Variants in KPNA1 observed in about 807,000 individuals in gnomAD.
The protein encoded by KPNA1 is karyopherin subunit alpha 1.
A neutral mutation model predicts 70.5 loss-of-function variants in KPNA1; 10 were observed. The observed-to-expected ratio is 0.14, with a 90% CI of 0.09 to 0.24. KPNA1 has a LOEUF of 0.24. Among genes scored for constraint, KPNA1 ranks in the 10% least tolerant of loss-of-function variants. KPNA1 has a pLI of 1.00. For missense variants in KPNA1, 397 were observed against 637.9 expected (o/e 0.62, Z 4.07); for synonymous variants, 192 against 221.9 (o/e 0.87, Z 1.20).
chr3:122,431,986 T>G (rs2075916689), intron 12 of KPNA1, among the ~76,000 whole-genome samples: 1 of 152,116 alleles, frequency 6.6e-6, no homozygotes, highest in African/African-American at 2.4e-5. Context: ...GTACTTTTAG[T>G]AGACACGGGG....
intron 10 of KPNA1, 31 bp from the exon 11 acceptor site, chr3:122,437,326 T>C (rs368905246): frequency 7.2e-6 from 11 of 1,535,870 alleles, no homozygotes; most frequent in South Asian, 1.2e-5. Context: ...ATTTTACTTA[T>C]TGTATTGTTC....
intron 2 of KPNA1, among the ~76,000 whole-genome samples, chr3:122,490,220 A>G (rs1239219529): frequency 6.6e-6 from 1 of 152,186 alleles, no homozygotes; most frequent in Non-Finnish European, 1.5e-5. Flanking sequence ...ACGAAACTCT[A>G]TTTGCCTGGT....
chr3:122,472,944 G>C (rs2076458804), intron 2 of KPNA1, among the ~76,000 whole-genome samples: 2 of 151,968 alleles, frequency 1.3e-5, no homozygotes, highest in Admixed American at 1.3e-4. Context: ...AGCCAGGTGT[G>C]GTGGCGGGCG....
chr3:122,483,190 T>G (rs1002413555), intron 2 of KPNA1: 1 of 152,608 alleles, frequency 6.6e-6, no homozygotes, highest in East Asian at 1.9e-4. Flanking sequence ...AACTAAAGAT[T>G]TACCTACCTA....
intron 1 of KPNA1, among the ~76,000 whole-genome samples, chr3:122,509,469 A>T (rs185168811): frequency 7.8e-4 from 119 of 152,310 alleles, no homozygotes; most frequent in African/African-American, 2.7e-3. Flanking sequence ...CAACTCAGGG[A>T]TCAATTCCTA....
rs1156588625 is a variant in KPNA1 at position 122,460,103 on chromosome 3, T to C, written c.432+1121A>G. On this transcript the variant is annotated intron_variant, in intron 5 of 13. Coordinates refer to ENST00000344337, the MANE Select transcript of KPNA1 (RefSeq NM_002264.4). ...TGTGATCAACTTGGTACCTAACCAATTTTTATAGCTGCATAGTCTCAGGGC... is the reference window on the plus strand; with the variant it reads ...TGTGATCAACTTGGTACCTAACCAACTTTTATAGCTGCATAGTCTCAGGGC... 3.0e-6 allele frequency: 3 copies of C among 985,276 alleles called. No homozygotes were observed. In the African/African-American group the frequency reaches 5.2e-5, roughly 17 times the overall value. The allele number at this position is 985,276 out of a possible 1,614,324, so 61.0% of individuals were successfully genotyped here.
At chr3:122,504,465 G>C (rs1359613803) in intron 1 of KPNA1, among the ~76,000 whole-genome samples, 2 of 152,076 alleles carry the variant, frequency 1.3e-5, no homozygotes, top group Admixed American at 6.5e-5. Context: ...GAATCGTAAG[G>C]GGACATAAAC....
intron 12 of KPNA1, among the ~76,000 whole-genome samples, chr3:122,429,446 C>CAAAAAAAAAAAAAAA (rs57991855): frequency 1.7e-5 from 1 of 58,782 alleles, no homozygotes; most frequent in Non-Finnish European, 3.1e-5. Context: ...AACTCTGTCT[C>CAAAAAAAAAAAAAAA]AAAAAAAAAA....
At chr3:122,484,171 T>G (rs578158045) in intron 2 of KPNA1, among the ~76,000 whole-genome samples, 9 of 152,328 alleles carry the variant, frequency 5.9e-5, no homozygotes, top group Admixed American at 3.3e-4. Flanking sequence ...TGCAGTAACT[T>G]AACATTTTAA....
intron 1 of KPNA1, among the ~76,000 whole-genome samples, chr3:122,513,854 C>G (rs1048111574): frequency 1.3e-5 from 2 of 152,182 alleles, no homozygotes; most frequent in Non-Finnish European, 1.5e-5. Flanking sequence ...AGTTTGAGCT[C>G]AGGAGTTGGA....
At chr3:122,500,552 C>A (rs1419382571) in intron 1 of KPNA1, among the ~76,000 whole-genome samples, 2 of 151,876 alleles carry the variant, frequency 1.3e-5, no homozygotes, top group East Asian at 3.9e-4. Context: ...CTGGAGAGTA[C>A]AGTGGCACAA....
chr3:122,505,132 C>T (rs1184388977), intron 1 of KPNA1, among the ~76,000 whole-genome samples: 4 of 151,752 alleles, frequency 2.6e-5, no homozygotes, highest in East Asian at 1.9e-4. Flanking sequence ...GGTGAAACCC[C>T]GCCTCTACTA....
At chr3:122,433,245 A>C (rs1474025181) in intron 12 of KPNA1, 1 of 156,358 alleles carries the variant, frequency 6.4e-6, no homozygotes, top group African/African-American at 2.4e-5. Flanking sequence ...CAATTCTACT[A>C]TTAAGACATC....
At chr3:122,430,136 G>T (rs977206519) in intron 12 of KPNA1, among the ~76,000 whole-genome samples, 4 of 151,770 alleles carry the variant, frequency 2.6e-5, no homozygotes, top group Non-Finnish European at 1.5e-5. Flanking sequence ...TTAATTGTGT[G>T]GTGGCAGGAT....
At chr3:122,430,515 AGTGTGTGT>A (rs10662409) in intron 12 of KPNA1, among the ~76,000 whole-genome samples, 4 of 141,472 alleles carry the variant, frequency 2.8e-5, no homozygotes, top group Admixed American at 7.1e-5. Context: ...CTGTACTACC[AGTGTGTGT>A]GTGTGTGTGT....
intron 8 of KPNA1, among the ~76,000 whole-genome samples, chr3:122,451,198 G>A (rs2076198984): frequency 6.6e-6 from 1 of 151,746 alleles, no homozygotes; most frequent in Non-Finnish European, 1.5e-5. Flanking sequence ...CACACTTTGA[G>A]AACCACTGTT....
chr3:122,461,340 G>GAA, intron 4 of KPNA1, 22 bp from the exon 5 acceptor site: 3 of 1,444,430 alleles, frequency 2.1e-6, no homozygotes, highest in Admixed American at 2.1e-5. Flanking sequence ...TAAAATAAAA[G>GAA]AAAAAAAAAA....
At chr3:122,484,662 A>T (rs1000999452) in intron 2 of KPNA1, among the ~76,000 whole-genome samples, 2 of 151,626 alleles carry the variant, frequency 1.3e-5, no homozygotes, top group African/African-American at 2.4e-5. Flanking sequence ...TAATAATAAA[A>T]AAAATAAATA....
At chr3:122,437,419 A>C (rs1435736221) in intron 10 of KPNA1, 124 bp from the exon 11 acceptor site, 2 of 652,548 alleles carry the variant, frequency 3.1e-6, no homozygotes, top group Non-Finnish European at 4.9e-6. Context: ...AAGTAACTTT[A>C]TACAGGTAAA....
Sources: gnomAD v4.1 joint callset for allele counts (sites outside exome capture counted in the v4.1 genomes callset) on GRCh38, gnomAD v4.1.1 for gene constraint, MANE v1.5 for transcripts, NCBI Gene and HGNC (gene_info 2026-07-23, HGNC 2026-07-21) for gene names.